Variants in PDE4D observed in about 807,000 individuals in gnomAD.
PDE4D encodes 3',5'-cyclic-AMP phosphodiesterase 4D.
A neutral mutation model predicts 87.4 loss-of-function variants in PDE4D; 24 were observed. The ratio of observed to expected loss-of-function variants is 0.27; its 90% CI spans 0.20 to 0.39. PDE4D has a LOEUF of 0.39. Among genes scored for constraint, PDE4D ranks in the 10% least tolerant of loss-of-function variants. The probability of loss-of-function intolerance (pLI) is 1.00; values close to 1 mark genes in which losing one functional copy is unlikely to be tolerated. For synonymous variants in PDE4D, 384 were observed against 383.2 expected (o/e 1.00, Z -0.02); for missense variants, 714 against 1,041.0 (o/e 0.69, Z 4.32).
intron 1 of PDE4D, chr5:59,528,886 T>C: frequency 3.1e-6 from 1 of 321,032 alleles, no homozygotes; most frequent in Non-Finnish European, 6.2e-6. Context: ...GTTTACTCCA[T>C]CGCACCTGGC....
At chr5:59,599,303 C>A (rs1827160858) in intron 1 of PDE4D, among the ~76,000 whole-genome samples, 1 of 150,116 alleles carries the variant, frequency 6.7e-6, no homozygotes, top group Non-Finnish European at 1.5e-5. Context: ...CTCACTGCAA[C>A]CTCTGCCTCC....
intron 1 of PDE4D, among the ~76,000 whole-genome samples, chr5:59,679,621 A>G (rs1445228961): frequency 6.6e-6 from 1 of 152,178 alleles, no homozygotes; most frequent in Non-Finnish European, 1.5e-5. Flanking sequence ...TGTATGAGAA[A>G]GATAACCTAA....
At chr5:60,311,614 A>C (rs1315316959) in intron 1 of PDE4D, among the ~76,000 whole-genome samples, 1 of 152,212 alleles carries the variant, frequency 6.6e-6, no homozygotes, top group Non-Finnish European at 1.5e-5. Flanking sequence ...ATGAAAACAC[A>C]CTTAAGTACA....
At chr5:59,756,345 GATTT>G (rs1383785107) in intron 1 of PDE4D, among the ~76,000 whole-genome samples, 11 of 152,082 alleles carry the variant, frequency 7.2e-5, no homozygotes, top group African/African-American at 2.4e-4. Context: ...CATTTACACA[GATTT>G]TTTTCAGAAA....
chr5:60,327,791 A>G (rs1403743920), intron 1 of PDE4D, among the ~76,000 whole-genome samples: 1 of 152,212 alleles, frequency 6.6e-6, no homozygotes, highest in Non-Finnish European at 1.5e-5. Context: ...TGAAAATGAA[A>G]CAGTAGTTTT....
rs942274587 is a variant in PDE4D, at chr5:59,536,392, C to A, written c.456-320424G>T. ...TGGTGGCAGGCACCTGTAGTCCCAG[C>A]TACTCGGGAGGCTGAGGCAAGAGAA... On this transcript the variant is annotated intron_variant, in intron 1 of 14. Coordinates refer to ENST00000340635, the MANE Select transcript of PDE4D (RefSeq NM_001104631.2). Among the ~76,000 whole-genome samples the A allele has an allele frequency of 2.0e-5, 3 of 150,954 alleles. No individual in the cohort carries two copies. The East Asian group carries it at 5.9e-4, about 30-fold the overall frequency.
intron 1 of PDE4D, among the ~76,000 whole-genome samples, chr5:59,831,401 C>A (rs1741218895): frequency 7.0e-6 from 1 of 142,468 alleles, no homozygotes; most frequent in Non-Finnish European, 1.5e-5. Context: ...TGGCCAAGAA[C>A]AAGATTCTTT....
At chr5:60,326,155 G>T (rs1261936426) in intron 1 of PDE4D, among the ~76,000 whole-genome samples, 1 of 152,100 alleles carries the variant, frequency 6.6e-6, no homozygotes. Flanking sequence ...TGTGAACACA[G>T]AAGTCTTTAT....
intron 1 of PDE4D, among the ~76,000 whole-genome samples, chr5:59,262,911 G>C (rs1367552727): frequency 6.6e-6 from 1 of 151,840 alleles, no homozygotes; most frequent in East Asian, 1.9e-4. Context: ...AAAATATAGA[G>C]GAAAACTTGG....
chr5:59,291,738 G>GTT (rs57769300), intron 1 of PDE4D, among the ~76,000 whole-genome samples: 1,806 of 125,522 alleles, frequency 0.014, 58 homozygotes, highest in South Asian at 0.091. Context: ...GTAAAAAGAA[G>GTT]TTTTTTTTTT....
chr5:60,056,599 C>T (rs1398575696), intron 2 of PDE4D, among the ~76,000 whole-genome samples: 1 of 151,998 alleles, frequency 6.6e-6, no homozygotes, highest in African/African-American at 2.4e-5. Context: ...TTCCGTATAT[C>T]TATAATTTCA....
chr5:59,627,504 C>A, intron 1 of PDE4D, among the ~76,000 whole-genome samples: 1 of 152,106 alleles, frequency 6.6e-6, no homozygotes, highest in Admixed American at 6.5e-5. Flanking sequence ...CTTTCTATCA[C>A]TTTCTAACTG....
intron 1 of PDE4D, among the ~76,000 whole-genome samples, chr5:59,501,901 A>G (rs2153664608): frequency 6.6e-6 from 1 of 152,264 alleles, no homozygotes; most frequent in South Asian, 2.1e-4. Flanking sequence ...TTATGGATGA[A>G]GATAAAACCT....
chr5:59,219,959 T>C (rs550504401), intron 1 of PDE4D, among the ~76,000 whole-genome samples: 6 of 152,076 alleles, frequency 3.9e-5, no homozygotes, highest in Non-Finnish European at 8.8e-5. Context: ...ACAGGACATT[T>C]AGTGTCTGGC....
intron 5 of PDE4D, among the ~76,000 whole-genome samples, chr5:59,164,443 G>A (rs768206195): frequency 2.0e-5 from 3 of 152,202 alleles, no homozygotes; most frequent in Non-Finnish European, 2.9e-5. Flanking sequence ...GCTAGGTTTC[G>A]TGCTTAATTC....
At chr5:60,108,965 C>G (rs1376017756) in intron 2 of PDE4D, among the ~76,000 whole-genome samples, 1 of 152,198 alleles carries the variant, frequency 6.6e-6, no homozygotes, top group African/African-American at 2.4e-5. Context: ...GACTTCATGT[C>G]TAAACCATCA....
intron 2 of PDE4D, among the ~76,000 whole-genome samples, chr5:59,198,653 G>A (rs1746027502): frequency 6.6e-6 from 1 of 152,136 alleles, no homozygotes; most frequent in Non-Finnish European, 1.5e-5. Flanking sequence ...GAGAATACAG[G>A]GCTCAACAGT....
At chr5:59,428,026 T>G (rs192734910) in intron 1 of PDE4D, among the ~76,000 whole-genome samples, 1 of 152,280 alleles carries the variant, frequency 6.6e-6, no homozygotes, top group Non-Finnish European at 1.5e-5. Context: ...CTCGTCAACA[T>G]TGAGTTTACT....
chr5:60,106,186 A>G (rs1475222489), intron 2 of PDE4D, among the ~76,000 whole-genome samples: 1 of 151,702 alleles, frequency 6.6e-6, no homozygotes, highest in East Asian at 1.9e-4. Context: ...ATGGAAAGCA[A>G]AAAAAGGCAG....
Sources: gnomAD v4.1 joint callset for allele counts (sites outside exome capture counted in the v4.1 genomes callset) on GRCh38, gnomAD v4.1.1 for gene constraint, MANE v1.5 for transcripts, NCBI Gene and HGNC (gene_info 2026-07-23, HGNC 2026-07-21) for gene names.